The following R3HCC1L variants were observed in gnomAD, a reference collection of about 807,000 sequenced individuals.
R3HCC1L encodes the protein coiled-coil domain-containing protein R3HCC1L.
R3HCC1L carries 51 observed loss-of-function variants against 59.9 expected under a neutral mutation model. That is an observed-to-expected ratio of 0.85 (90% confidence interval 0.68 to 1.07). R3HCC1L has a LOEUF of 1.07. Among genes scored for constraint, R3HCC1L ranks in the 50% least tolerant of loss-of-function variants. The pLI is 0.00. For missense variants in R3HCC1L, 965 were observed against 933.0 expected, an observed-to-expected ratio of 1.03 and a Z score of -0.45; for synonymous variants, 322 against 315.2, an observed-to-expected ratio of 1.02 and a Z score of -0.23.
intron 1 of R3HCC1L, among the ~76,000 whole-genome samples, chr10:98,146,355 T>C (rs1269216892): frequency 1.3e-5 from 2 of 152,244 alleles, no homozygotes; most frequent in South Asian, 2.1e-4. Flanking sequence ...AGTTGAAATA[T>C]GTAATTATTG....
At chr10:98,172,827 A>G (rs1848645176) in intron 4 of R3HCC1L, among the ~76,000 whole-genome samples, 1 of 152,156 alleles carries the variant, frequency 6.6e-6, no homozygotes, top group Non-Finnish European at 1.5e-5. Flanking sequence ...CTTACTTCCC[A>G]TACAAAATTT....
rs1301367492 is a variant in R3HCC1L, at chr10:98,178,972, A to T, written c.-15+15575A>T. Among the ~76,000 whole-genome samples, 2 of 152,122 alleles carry T rather than the reference A, an allele frequency of 1.3e-5. 1 individual carries two copies. Among genetic ancestry groups the T allele is most frequent in the South Asian group, 4.1e-4 (2 of 4,822 alleles). The stretch of plus-strand genomic sequence containing the variant: ...CTTAAGGAGATTTTGGGCTGAGTTG[A>T]TGGGGTTTTCTAAATATACAATCAT... On this transcript the variant is annotated intron_variant, in intron 4 of 9. Transcript: ENST00000298999.
chr10:98,241,191 C>T (rs991622946), intron 9 of R3HCC1L, among the ~76,000 whole-genome samples: 6 of 152,012 alleles, frequency 3.9e-5, no homozygotes, highest in Admixed American at 1.3e-4. Context: ...GAATAAGATT[C>T]GTTTGACCAG....
intron 4 of R3HCC1L, among the ~76,000 whole-genome samples, chr10:98,174,201 T>A (rs1307272054): frequency 6.6e-6 from 1 of 152,162 alleles, no homozygotes; most frequent in South Asian, 2.1e-4. Flanking sequence ...GAAAGTGAAA[T>A]TTAGTTAACT....
intron 7 of R3HCC1L, 71 bp from the exon 8 acceptor site, chr10:98,235,354 G>T: frequency 7.9e-7 from 1 of 1,271,454 alleles, no homozygotes; most frequent in South Asian, 1.2e-5. Context: ...GAAATACTAA[G>T]AGCTATCCCT....
At chr10:98,243,774 A>G (rs1419989390) in intron 9 of R3HCC1L, among the ~76,000 whole-genome samples, 1 of 152,248 alleles carries the variant, frequency 6.6e-6, no homozygotes, top group Non-Finnish European at 1.5e-5. Context: ...AGCACTAAAC[A>G]TAGTTGAAAA....
intron 4 of R3HCC1L, among the ~76,000 whole-genome samples, chr10:98,185,364 G>A (rs1413505757): frequency 6.6e-6 from 1 of 152,128 alleles, no homozygotes; most frequent in Non-Finnish European, 1.5e-5. Context: ...TAATTAAAGA[G>A]GTAATTATAC....
At chr10:98,215,093 G>A (rs1350915568) in intron 5 of R3HCC1L, among the ~76,000 whole-genome samples, 3 of 152,162 alleles carry the variant, frequency 2.0e-5, no homozygotes, top group Admixed American at 6.6e-5. Flanking sequence ...GTCTCTACCT[G>A]ACTGGGTCTC....
At chr10:98,175,204 T>G (rs1356929871) in intron 4 of R3HCC1L, among the ~76,000 whole-genome samples, 1 of 152,214 alleles carries the variant, frequency 6.6e-6, no homozygotes, top group Non-Finnish European at 1.5e-5. Context: ...CTATACTGAT[T>G]ATTTCCTGGC....
chr10:98,235,279 T>G (rs1856801842), intron 7 of R3HCC1L, 146 bp from the exon 8 acceptor site: 1 of 663,692 alleles, frequency 1.5e-6, no homozygotes, highest in Non-Finnish European at 2.6e-6. Context: ...CTAAAATAAT[T>G]ACTGCCACGT....
rs779204238 is a variant in R3HCC1L at position 98,209,294 on chromosome 10, C to T, written c.1180C>T (p.Pro394Ser). 8 of 1,613,766 alleles carry T rather than the reference C, an allele frequency of 5.0e-6. No homozygotes were observed. The highest frequency in any genetic ancestry group is 6.8e-6 in the Non-Finnish European group (8 of 1,179,854). The change falls in exon 5 of 10, where the codon CCT (proline) becomes TCT (serine). Residue 394 changes from proline (P) to serine (S), a missense_variant. Transcript: ENST00000298999. ...SCSDHVTVDS[P>S]YVVAVRIADE... ...TAGTGATCATGTAACTGTTGATAGC[C>T]CTTATGTAGTTGCAGTTAGAATAGC... is the stretch of plus-strand genomic sequence containing the variant.
chr10:98,135,861 C>G (rs990125105), intron 1 of R3HCC1L, among the ~76,000 whole-genome samples: 1 of 152,150 alleles, frequency 6.6e-6, no homozygotes, highest in African/African-American at 2.4e-5. Flanking sequence ...ATACCTGTCC[C>G]CAGCAGGTCT....
intron 4 of R3HCC1L, among the ~76,000 whole-genome samples, chr10:98,179,465 C>T (rs769507159): frequency 1.1e-4 from 17 of 151,842 alleles, no homozygotes; most frequent in Admixed American, 2.6e-4. Context: ...TTCGGTTTGC[C>T]GGGATTTTAC....
intron 1 of R3HCC1L, among the ~76,000 whole-genome samples, chr10:98,148,359 C>T (rs79793991): frequency 0.023 from 3,545 of 152,124 alleles, 117 homozygotes; most frequent in African/African-American, 0.076. Context: ...TCCTCCTTTC[C>T]AATTTGGTGC....
intron 5 of R3HCC1L, among the ~76,000 whole-genome samples, chr10:98,216,780 G>T (rs1854260252): frequency 6.6e-6 from 1 of 152,034 alleles, no homozygotes; most frequent in Non-Finnish European, 1.5e-5. Context: ...GACTCTTGTT[G>T]TCTTGCCTAG....
In R3HCC1L at chr10:98,208,586, CATGAGAGGATACTTCTT is replaced by C. The variant is rs778174796; in HGVS notation, c.473_489del (p.His158LeufsTer24). On this transcript the variant is annotated frameshift_variant, in exon 5 of 10. Transcript: ENST00000298999. LOFTEE classifies it high-confidence loss of function. ...AGTTGAAACTACGGATGTGACAGGA[CATGAGAGGATACTTCTT>C]TCACAGGCCTGTTTAGAAATCAGCG... The C allele has an allele frequency of 6.8e-6, 11 of 1,614,074 alleles. No individual in the cohort carries two copies. The highest frequency in any genetic ancestry group is 1.7e-4 in the Middle Eastern group (1 of 6,060).
chr10:98,239,627 CTAAT>C (rs1857316368), intron 9 of R3HCC1L, among the ~76,000 whole-genome samples: 2 of 152,220 alleles, frequency 1.3e-5, no homozygotes, highest in African/African-American at 2.4e-5. Context: ...TGAAACCTTC[CTAAT>C]TAAGAATTTT....
chr10:98,236,060 C>T lies in R3HCC1L; in HGVS notation c.2165C>T (p.Ser722Leu). 6.2e-7 allele frequency: 1 copy of T among 1,613,968 alleles called. No individual in the cohort carries two copies. The highest frequency in any genetic ancestry group is 2.2e-5 in the East Asian group (1 of 44,886). ...CCAGCAAAGGAGCGTCCTGAGACTT[C>T]AGCAGCCCTAGCCAGAAGGTTAGTC... ...LQPAKERPET[S>L]AALARRLVIS... Residue 722 changes from serine to leucine, a missense_variant, in exon 9 of 10, where the codon TCA becomes TTA. Physicochemically the swap from Ser to Leu is moderately radical, Grantham distance 145 (BLOSUM62 -2). Coordinates refer to ENST00000298999, the MANE Select transcript of R3HCC1L (RefSeq NM_001351015.2).
chr10:98,158,994 C>T (rs1230889779), intron 2 of R3HCC1L, among the ~76,000 whole-genome samples: 9 of 151,874 alleles, frequency 5.9e-5, no homozygotes, highest in African/African-American at 2.2e-4. Context: ...TTTGTAGAGA[C>T]AGATTCTCCC....
Sources: allele counts gnomAD v4.1 joint callset (sites outside exome capture counted in the v4.1 genomes callset), GRCh38; gene constraint gnomAD v4.1.1; transcripts MANE v1.5; gene names NCBI Gene and HGNC (gene_info 2026-07-23, HGNC 2026-07-21).